The following ZNF716 variants were observed in gnomAD, a reference collection of about 807,000 sequenced individuals.
ZNF716 encodes zinc finger protein 716.
In ZNF716, 9 loss-of-function variants were observed where a neutral mutation model predicts 13.4. That is an observed-to-expected ratio of 0.67 (90% CI 0.41 to 1.18). ZNF716 has a LOEUF of 1.18. ZNF716 is among the 50% of genes most tolerant of loss of function. The probability of loss-of-function intolerance (pLI) is 0.01; values close to 1 mark genes in which losing one functional copy is unlikely to be tolerated. For synonymous variants in ZNF716, 186 were observed against 195.2 expected (o/e 0.95, Z 0.39); for missense variants, 581 against 576.6 (o/e 1.01, Z -0.08).
intron 1 of ZNF716, among the ~76,000 whole-genome samples, chr7:57,455,100 T>C (rs144945715): frequency 4.6e-5 from 7 of 152,026 alleles, no homozygotes; most frequent in African/African-American, 1.7e-4. Flanking sequence ...TATCAATGTA[T>C]AGGCAGACAA....
chr7:57,468,599 C>T lies in ZNF716; in HGVS notation c.263-125C>T, dbSNP rs151250063. 1.8e-3 allele frequency: 1,733 copies of T among 947,728 alleles called. 29 individuals carry two copies. In the African/African-American group the frequency reaches 0.025, roughly 14 times the overall value. 58.7% of individuals were successfully genotyped at this position (947,728 alleles called of 1,614,324 possible). On this transcript the variant is annotated intron_variant, in intron 3 of 3. Transcript: ENST00000420713. ...CATTTATACATCTATGAAGGAATTA[C>T]GGCTTGTGGTATTTTGATATGCCAT...
rs191152098 is a variant in ZNF716 at position 57,472,004 on chromosome 7, C to A, written c.*2055C>A. ...ATGTAACTCACATTTCAAATTACTTCATGTTGATCCTTTCTTCCCATTGTT... is the reference window on the plus strand; with the variant it reads ...ATGTAACTCACATTTCAAATTACTTAATGTTGATCCTTTCTTCCCATTGTT... On this transcript the variant is annotated 3_prime_UTR_variant, in exon 4 of 4. Transcript: ENST00000420713. The A allele has an allele frequency of 1.3e-5, 2 of 152,296 alleles. No individual in the cohort carries two copies. Among genetic ancestry groups the A allele is most frequent in the African/African-American group, 4.8e-5 (2 of 41,582 alleles). The allele number at this position is 152,296 out of a possible 1,614,324, so 9.4% of individuals were successfully genotyped here. A position where few individuals can be genotyped will look rare whatever the true frequency, so the allele number is the denominator to read the frequency against.
chr7:57,458,486 G>A (rs1583717541), intron 1 of ZNF716, among the ~76,000 whole-genome samples: 2 of 151,032 alleles, frequency 1.3e-5, no homozygotes, highest in African/African-American at 2.4e-5. Context: ...ACAGTGGCAC[G>A]ATCTTGGCTC....
At chr7:57,454,832 A>C (rs1368359941) in intron 1 of ZNF716, among the ~76,000 whole-genome samples, 3 of 152,026 alleles carry the variant, frequency 2.0e-5, no homozygotes, top group Non-Finnish European at 2.9e-5. Flanking sequence ...AGACCATCCT[A>C]GCTAACACGG....
Position 57,469,411 on chromosome 7 carries a change from TTC to T in ZNF716, c.951_952del (p.His318TyrfsTer9). 6.2e-7 allele frequency: 1 copy of T among 1,613,348 alleles called. No homozygotes were observed. Among genetic ancestry groups the T allele is most frequent in the Non-Finnish European group, 8.5e-7 (1 of 1,179,824 alleles). ...TCAACACTTACTAACCACAAGAGAATTCATACTGGAGAGAGACCCTACAAATG... is the reference window on the plus strand; with the variant it reads ...TCAACACTTACTAACCACAAGAGAATATACTGGAGAGAGACCCTACAAATG... On this transcript the variant is annotated frameshift_variant, in exon 4 of 4. Coordinates refer to ENST00000420713, the MANE Select transcript of ZNF716 (RefSeq NM_001159279.1). LOFTEE classifies it low-confidence loss of function (END_TRUNC).
intron 1 of ZNF716, among the ~76,000 whole-genome samples, chr7:57,456,870 G>A (rs1215058776): frequency 1.3e-5 from 2 of 151,928 alleles, no homozygotes; most frequent in African/African-American, 4.8e-5. Flanking sequence ...TTGCACACAG[G>A]CTGTCACACT....
chr7:57,467,927 A>T (rs1447636076), intron 3 of ZNF716, among the ~76,000 whole-genome samples: 3 of 151,878 alleles, frequency 2.0e-5, no homozygotes, highest in Non-Finnish European at 4.4e-5. Context: ...CTTTTTCAAA[A>T]TTTTTTATTT....
At chr7:57,465,791 C>T (rs556987384) in intron 3 of ZNF716, among the ~76,000 whole-genome samples, 4 of 152,236 alleles carry the variant, frequency 2.6e-5, no homozygotes, top group African/African-American at 9.6e-5. Flanking sequence ...CCCAAATGTC[C>T]AACAATGGTA....
intron 1 of ZNF716, among the ~76,000 whole-genome samples, chr7:57,462,226 A>G (rs567113534): frequency 6.6e-6 from 1 of 151,890 alleles, no homozygotes; most frequent in Non-Finnish European, 1.5e-5. Context: ...CCAGAAAAGT[A>G]TCATATCTAC....
chr7:57,466,871 G>A (rs1457049348), intron 3 of ZNF716, among the ~76,000 whole-genome samples: 1 of 151,654 alleles, frequency 6.6e-6, no homozygotes, highest in Non-Finnish European at 1.5e-5. Context: ...AATATTTGCT[G>A]TATATAAATA....
intron 1 of ZNF716, 163 bp from the exon 2 acceptor site, chr7:57,462,297 A>G (rs1789720299): frequency 6.6e-6 from 5 of 755,178 alleles, no homozygotes; most frequent in Non-Finnish European, 1.1e-5. Context: ...TCCATGTTAA[A>G]CATTATCTTA....
chr7:57,463,623 C>G (rs1309733583), intron 3 of ZNF716, among the ~76,000 whole-genome samples: 1 of 148,912 alleles, frequency 6.7e-6, no homozygotes, highest in South Asian at 2.2e-4. Flanking sequence ...ATTACTATAG[C>G]CTTGACATAT....
intron 3 of ZNF716, among the ~76,000 whole-genome samples, chr7:57,464,062 TC>T (rs1487013889): frequency 6.6e-6 from 1 of 151,968 alleles, no homozygotes; most frequent in Admixed American, 6.6e-5. Flanking sequence ...AAATAGTTCT[TC>T]CCATTTGTAT....
At position 57,469,395 on chromosome 7, in the gene ZNF716, A is replaced by G. The variant is rs184081305; in HGVS notation, c.934A>G (p.Thr312Ala). 5 of 1,613,906 alleles carry G rather than the reference A, an allele frequency of 3.1e-6. No homozygotes were observed. The East Asian group carries it at 8.9e-5, about 29-fold the overall frequency. The change falls in exon 4 of 4, where the codon ACT becomes GCT. Residue 312 changes from threonine (T) to alanine (A), a missense_variant. Coordinates refer to ENST00000420713, the MANE Select transcript of ZNF716 (RefSeq NM_001159279.1). ...GKAFSRSSTL[T>A]NHKRIHTGER... is the part of the protein sequence containing the mutation. ...AGCCTTTAGCCGCTCTTCAACACTT[A>G]CTAACCACAAGAGAATTCATACTGG...
At chr7:57,460,800 A>G (rs1163675623) in intron 1 of ZNF716, among the ~76,000 whole-genome samples, 2 of 152,152 alleles carry the variant, frequency 1.3e-5, no homozygotes, top group African/African-American at 4.8e-5. Context: ...TTCCATGCAG[A>G]ACAGGTAACG....
At chr7:57,461,191 C>T (rs1301913873) in intron 1 of ZNF716, among the ~76,000 whole-genome samples, 18 of 152,130 alleles carry the variant, frequency 1.2e-4, no homozygotes, top group Admixed American at 6.5e-4. Context: ...GCAGGAGAAT[C>T]GCTTGAACCC....
intron 3 of ZNF716, among the ~76,000 whole-genome samples, chr7:57,463,630 A>G (rs1376695584): frequency 3.7e-5 from 5 of 133,784 alleles, no homozygotes; most frequent in Admixed American, 3.1e-4. Flanking sequence ...TAGCCTTGAC[A>G]TATAAATTTT....
intron 3 of ZNF716, among the ~76,000 whole-genome samples, chr7:57,465,134 C>T (rs574094699): frequency 1.3e-5 from 2 of 152,180 alleles, no homozygotes; most frequent in South Asian, 4.1e-4. Flanking sequence ...TAAATTTGTT[C>T]ACCACTGTGG....
chr7:57,452,344 G>C (rs1191727944), intron 1 of ZNF716, among the ~76,000 whole-genome samples: 2 of 151,980 alleles, frequency 1.3e-5, no homozygotes, highest in Non-Finnish European at 2.9e-5. Flanking sequence ...CACATAAGAA[G>C]AAAGCAGGGG....
Sources: gnomAD v4.1 joint callset for allele counts (sites outside exome capture counted in the v4.1 genomes callset) on GRCh38, gnomAD v4.1.1 for gene constraint, MANE v1.5 for transcripts, NCBI Gene and HGNC (gene_info 2026-07-23, HGNC 2026-07-21) for gene names.